Variants in PTPRN2 observed in about 807,000 individuals in gnomAD.
PTPRN2 encodes protein tyrosine phosphatase receptor type N2, also known as receptor-type tyrosine-protein phosphatase N2.
PTPRN2 carries 74 observed loss-of-function variants against 118.8 expected under a neutral mutation model. That is an observed-to-expected ratio of 0.62 (90% CI 0.52 to 0.76). The LOEUF is 0.76. PTPRN2 is among the 30% of genes least tolerant of loss of function. PTPRN2 has a pLI of 0.00. For synonymous variants in PTPRN2, 641 were observed against 608.0 expected (o/e 1.05, Z -0.80); for missense variants, 1,481 against 1,394.4 (o/e 1.06, Z -0.99).
chr7:158,059,279 G>C (rs1167736579), intron 11 of PTPRN2, among the ~76,000 whole-genome samples: 1 of 139,046 alleles, frequency 7.2e-6, no homozygotes, highest in Non-Finnish European at 1.5e-5. Flanking sequence ...CACTCCATCT[G>C]CACACAGTGA....
At chr7:158,181,299 T>G (rs1230694539) in intron 5 of PTPRN2, among the ~76,000 whole-genome samples, 2 of 152,172 alleles carry the variant, frequency 1.3e-5, no homozygotes, top group Non-Finnish European at 2.9e-5. Context: ...CACTTGATCA[T>G]GGTTTATTAT....
At chr7:158,216,340 AAATT>A (rs1414199321) in intron 3 of PTPRN2, among the ~76,000 whole-genome samples, 1 of 152,144 alleles carries the variant, frequency 6.6e-6, no homozygotes, top group Non-Finnish European at 1.5e-5. Context: ...AGAAAATACA[AAATT>A]AAATGAGTTT....
At position 158,128,705 on chromosome 7, in the gene PTPRN2, G is replaced by A. The variant is rs367931097; in HGVS notation, c.1556+4972C>T. ...TGAAGGTTCCCTAGCAAACCACACCGGCCTCCTGCTCTCCGGGTGAACACC... is the reference window on the plus strand; with the variant it reads ...TGAAGGTTCCCTAGCAAACCACACCAGCCTCCTGCTCTCCGGGTGAACACC... On this transcript the variant is annotated intron_variant, in intron 9 of 22. Transcript: ENST00000389418. Among the ~76,000 whole-genome samples the A allele has an allele frequency of 3.2e-4, 48 of 152,130 alleles. No individual in the cohort carries two copies. The East Asian group carries it at 5.2e-3, about 17-fold the overall frequency.
At chr7:157,851,911 A>G (rs1809304890) in intron 12 of PTPRN2, among the ~76,000 whole-genome samples, 1 of 152,220 alleles carries the variant, frequency 6.6e-6, no homozygotes, top group African/African-American at 2.4e-5. Flanking sequence ...GGCCCAGCTC[A>G]CTTGTGCCTC....
intron 12 of PTPRN2, among the ~76,000 whole-genome samples, chr7:157,856,372 A>G (rs1240998801): frequency 6.6e-6 from 1 of 152,206 alleles, no homozygotes; most frequent in Non-Finnish European, 1.5e-5. Flanking sequence ...TTCGCTTTTC[A>G]AGCACACACA....
chr7:157,717,162 C>T (rs181320965), intron 12 of PTPRN2, among the ~76,000 whole-genome samples: 1 of 152,398 alleles, frequency 6.6e-6, no homozygotes, highest in African/African-American at 2.4e-5. Context: ...TCATTCACAG[C>T]ATCACCAAAA....
At chr7:158,193,062 A>T (rs1368717023) in intron 4 of PTPRN2, among the ~76,000 whole-genome samples, 1 of 152,248 alleles carries the variant, frequency 6.6e-6, no homozygotes, top group Non-Finnish European at 1.5e-5. Context: ...CCTCCGCTGC[A>T]GTCCCTGCTG....
chr7:157,848,489 A>G (rs1809042383), intron 12 of PTPRN2, among the ~76,000 whole-genome samples: 1 of 152,240 alleles, frequency 6.6e-6, no homozygotes, highest in Non-Finnish European at 1.5e-5. Context: ...ATGTTTACAG[A>G]GCCCTCTCTC....
intron 2 of PTPRN2, among the ~76,000 whole-genome samples, chr7:158,341,471 AC>A (rs1806768571): frequency 6.8e-6 from 1 of 146,616 alleles, no homozygotes; most frequent in African/African-American, 2.6e-5. Flanking sequence ...CGTCATTCAC[AC>A]CCACACTCTC....
intron 4 of PTPRN2, among the ~76,000 whole-genome samples, chr7:158,202,493 C>T (rs964528857): frequency 4.6e-5 from 7 of 152,166 alleles, no homozygotes; most frequent in Non-Finnish European, 7.3e-5. Context: ...CATGCCCAGA[C>T]TCCTCTGCCC....
At chr7:157,962,362 C>T (rs76395637) in intron 11 of PTPRN2, among the ~76,000 whole-genome samples, 1,614 of 152,256 alleles carry the variant, frequency 0.011, 42 homozygotes, top group African/African-American at 0.037. Flanking sequence ...CCAGCGGGAG[C>T]GTTATTCCCC....
chr7:158,103,665 G>T (rs1322281306), intron 10 of PTPRN2, among the ~76,000 whole-genome samples: 1 of 152,158 alleles, frequency 6.6e-6, no homozygotes, highest in Admixed American at 6.5e-5. Flanking sequence ...CTCAGGGGCA[G>T]GGATGAGTGT....
chr7:157,626,105 C>A (rs1185905877), intron 14 of PTPRN2, among the ~76,000 whole-genome samples: 1 of 152,168 alleles, frequency 6.6e-6, no homozygotes, highest in Non-Finnish European at 1.5e-5. Context: ...TCCACAGCCC[C>A]CAGCAGCCAG....
chr7:158,431,640 C>T (rs543031985), intron 2 of PTPRN2, among the ~76,000 whole-genome samples: 5 of 147,666 alleles, frequency 3.4e-5, no homozygotes, highest in African/African-American at 1.2e-4. Flanking sequence ...CACCAGGACA[C>T]ACTGGCTCAC....
intron 11 of PTPRN2, among the ~76,000 whole-genome samples, chr7:157,950,573 G>A (rs528613509): frequency 2.0e-5 from 3 of 152,144 alleles, no homozygotes; most frequent in Non-Finnish European, 2.9e-5. Context: ...TGGTATTTTT[G>A]CTCTATGACC....
At chr7:158,331,394 C>A (rs1485197101) in intron 2 of PTPRN2, among the ~76,000 whole-genome samples, 3 of 145,308 alleles carry the variant, frequency 2.1e-5, no homozygotes, top group Non-Finnish European at 4.5e-5. Context: ...CACACCCACA[C>A]TCTCACCATA....
rs889091947 is a variant in PTPRN2 at position 157,808,985 on chromosome 7, C to T, written c.1788+89688G>A. 6.6e-5 allele frequency among the ~76,000 whole-genome samples: 10 copies of T among 150,684 alleles called. No individual in the cohort carries two copies. The highest frequency in any genetic ancestry group is 3.3e-4 in the Admixed American group (5 of 15,124). On this transcript the variant is annotated intron_variant, in intron 12 of 22. Transcript: ENST00000389418. This position sits in a 1 kb window ranked among gnomAD's most constrained non-coding sequence, Gnocchi z 5.0. ...TCTTAAAACTTTATTTTAATGCACA[C>T]GTTCAGTCCCTGCAGCACCTCCCGA...
intron 12 of PTPRN2, among the ~76,000 whole-genome samples, chr7:157,846,620 T>C (rs1808822063): frequency 6.6e-6 from 1 of 152,242 alleles, no homozygotes; most frequent in Non-Finnish European, 1.5e-5. Flanking sequence ...TCATCATCCC[T>C]GTGCTGCAGG....
chr7:158,429,892 A>C (rs890894311), intron 2 of PTPRN2, among the ~76,000 whole-genome samples: 16 of 151,888 alleles, frequency 1.1e-4, no homozygotes, highest in Non-Finnish European at 2.2e-4. Context: ...TGGGACATAA[A>C]CTGTTCTTTT....
Sources: allele counts gnomAD v4.1 joint callset (sites outside exome capture counted in the v4.1 genomes callset), GRCh38; gene constraint gnomAD v4.1.1; non-coding constraint Gnocchi (gnomAD v3.1); transcripts MANE v1.5; gene names NCBI Gene and HGNC (gene_info 2026-07-23, HGNC 2026-07-21).